The following SLCO5A1 variants were observed in gnomAD, a reference collection of about 807,000 sequenced individuals.
SLCO5A1 encodes organic anion transporter polypeptide-related protein 4.
In SLCO5A1, 39 loss-of-function variants were observed where a neutral mutation model predicts 65.1. The observed-to-expected ratio is 0.60, with a 90% confidence interval of 0.46 to 0.78. SLCO5A1 has a LOEUF of 0.78. Ranked by LOEUF, SLCO5A1 falls within the 30% of genes least tolerant of loss-of-function variation. The pLI, the probability that SLCO5A1 is intolerant of heterozygous loss-of-function variation, is 0.00. For synonymous variants in SLCO5A1, 438 were observed against 415.7 expected, an observed-to-expected ratio of 1.05 and a Z score of -0.65; for missense variants, 1,029 against 1,069.4, an observed-to-expected ratio of 0.96 and a Z score of 0.53.
chr8:69,784,918 GAAAGAAAGA>G lies in SLCO5A1; in HGVS notation c.908-23052_908-23044del, dbSNP rs1563723094. ...AGGAAGAAAGAAAGAAAGAAAGAAA[GAAAGAAAGA>G]AAGAAAGAAAGAAAGAAAGAAAGAA... On this transcript the variant is annotated intron_variant, in intron 2 of 9. Transcript: ENST00000260126. Among the ~76,000 whole-genome samples, 214 of 116,244 alleles carry G rather than the reference GAAAGAAAGA, an allele frequency of 1.8e-3. 1 individual carries two copies. The highest frequency in any genetic ancestry group is 7.6e-3 in the African/African-American group (201 of 26,478). The allele number at this position is 116,244 out of a possible 152,430, so 76.3% of individuals were successfully genotyped here.
intron 4 of SLCO5A1, among the ~76,000 whole-genome samples, chr8:69,744,119 T>C (rs948735278): frequency 2.6e-5 from 4 of 152,128 alleles, no homozygotes; most frequent in Admixed American, 6.5e-5. Flanking sequence ...CTTTACAACC[T>C]GAAAGGATCT....
intron 2 of SLCO5A1, among the ~76,000 whole-genome samples, chr8:69,770,934 A>G (rs1818293125): frequency 6.6e-6 from 1 of 152,166 alleles, no homozygotes; most frequent in Non-Finnish European, 1.5e-5. Flanking sequence ...TTTCTCCTGC[A>G]GATTTAACCT....
rs959438179 is a variant in SLCO5A1, at chr8:69,832,994, T to TCCGCCG, written c.-327_-322dup. On this transcript the variant is annotated 5_prime_UTR_variant, in exon 2 of 10. Transcript: ENST00000260126. This position sits in a 1 kb window ranked among gnomAD's most constrained non-coding sequence, Gnocchi z 4.5. The stretch of plus-strand genomic sequence containing the variant: ...CCTCGCGCGTCCCGGGCTCATCCCC[T>TCCGCCG]CCGCCGCCGCCGCCGCCGCCGCCGC... The TCCGCCG allele has an allele frequency of 2.0e-4, 68 of 339,176 alleles. No individual in the cohort carries two copies. The highest frequency in any genetic ancestry group is 1.0e-3 in the African/African-American group (46 of 45,524). The allele number at this position is 339,176 out of a possible 1,614,324, so 21.0% of individuals were successfully genotyped here. A position where few individuals can be genotyped will look rare whatever the true frequency, so the allele number is the denominator to read the frequency against.
At chr8:69,771,653 A>G (rs1229025506) in intron 2 of SLCO5A1, among the ~76,000 whole-genome samples, 2 of 152,190 alleles carry the variant, frequency 1.3e-5, no homozygotes, top group African/African-American at 4.8e-5. Context: ...AGCTGGGCGC[A>G]GCATCACACC....
At chr8:69,695,932 G>T (rs1053576994) in intron 6 of SLCO5A1, among the ~76,000 whole-genome samples, 2 of 152,088 alleles carry the variant, frequency 1.3e-5, no homozygotes, top group Non-Finnish European at 2.9e-5. Context: ...TTGAAGAAAT[G>T]GGTTTAAAAA....
In SLCO5A1 at chr8:69,668,213, G is replaced by A. The variant is rs1475271594; in HGVS notation, c.*4656C>T. 9.9e-5 allele frequency: 15 copies of A among 151,954 alleles called. No individual in the cohort carries two copies. The East Asian group carries it at 2.9e-3, about 29-fold the overall frequency. 9.4% of individuals were successfully genotyped at this position (151,954 alleles called of 1,614,324 possible). ...TGATTCTAATGCAACAAGAAGTTTGGGACAGATACAGCCAGCAGCATCCCA... is the reference window on the plus strand; with the variant it reads ...TGATTCTAATGCAACAAGAAGTTTGAGACAGATACAGCCAGCAGCATCCCA... On this transcript the variant is annotated 3_prime_UTR_variant, in exon 10 of 10. Transcript: ENST00000260126.
At chr8:69,819,029 G>T (rs749956749) in intron 2 of SLCO5A1, among the ~76,000 whole-genome samples, 1 of 151,904 alleles carries the variant, frequency 6.6e-6, no homozygotes, top group Admixed American at 6.5e-5. Flanking sequence ...GATTTTTTGT[G>T]GTTTACAGAG....
At chr8:69,712,548 A>C (rs1815317052) in intron 5 of SLCO5A1, among the ~76,000 whole-genome samples, 1 of 152,182 alleles carries the variant, frequency 6.6e-6, no homozygotes, top group Admixed American at 6.5e-5. Flanking sequence ...TAGGCAACCC[A>C]TTCATTATCA....
chr8:69,736,470 G>A (rs1329019882), intron 5 of SLCO5A1, among the ~76,000 whole-genome samples: 1 of 152,214 alleles, frequency 6.6e-6, no homozygotes, highest in Non-Finnish European at 1.5e-5. Flanking sequence ...TGCATCTGTA[G>A]AGAAGTGGGA....
chr8:69,729,400 T>G (rs1400096146), intron 5 of SLCO5A1, among the ~76,000 whole-genome samples: 1 of 128,252 alleles, frequency 7.8e-6, no homozygotes, highest in African/African-American at 3.0e-5. Flanking sequence ...GCCGAGATCG[T>G]GCCACTGCAG....
chr8:69,767,380 A>G (rs1235161775), intron 2 of SLCO5A1, among the ~76,000 whole-genome samples: 2 of 152,230 alleles, frequency 1.3e-5, no homozygotes, highest in Non-Finnish European at 2.9e-5. Context: ...AGTACTACAT[A>G]GTGGATAAAG....
At position 69,673,137 on chromosome 8, in the gene SLCO5A1, A is replaced by G; in HGVS notation, c.2279T>C (p.Ile760Thr). The G allele has an allele frequency of 6.2e-7, 1 of 1,614,202 alleles. No individual in the cohort carries two copies. The highest frequency in any genetic ancestry group is 8.5e-7 in the Non-Finnish European group (1 of 1,180,042). ...CTGCAGTCCATCCTCCTTGTATTTT[A>G]TGGAGTACCAGGCCAGAAAAATAAA... The part of the protein sequence containing the change: ...FIFIFLAWYS[I>T]KYKEDGLQRR... Residue 760 changes from isoleucine (I) to threonine (T), a missense_variant, in exon 10 of 10, where the codon ATA (isoleucine) becomes ACA (threonine). Ile to Thr is a moderately conservative substitution (Grantham distance 89, BLOSUM62 -1). Coordinates refer to ENST00000260126, the MANE Select transcript of SLCO5A1 (RefSeq NM_030958.3).
intron 2 of SLCO5A1, among the ~76,000 whole-genome samples, chr8:69,797,498 G>A (rs1338559949): frequency 6.6e-6 from 1 of 152,254 alleles, no homozygotes; most frequent in Non-Finnish European, 1.5e-5. Context: ...GGGCGGAACA[G>A]AGCCATATAT....
intron 2 of SLCO5A1, among the ~76,000 whole-genome samples, chr8:69,780,454 A>G (rs1192170258): frequency 2.0e-5 from 3 of 152,222 alleles, no homozygotes; most frequent in Non-Finnish European, 2.9e-5. Flanking sequence ...CATATACACA[A>G]TGGAAAACTA....
chr8:69,704,401 T>C (rs1814880191), intron 6 of SLCO5A1, among the ~76,000 whole-genome samples: 1 of 152,102 alleles, frequency 6.6e-6, no homozygotes, highest in African/African-American at 2.4e-5. Flanking sequence ...TAAGGGGGAG[T>C]TATGCTTCAG....
At chr8:69,749,163 C>A (rs1250733375) in intron 4 of SLCO5A1, among the ~76,000 whole-genome samples, 1 of 152,154 alleles carries the variant, frequency 6.6e-6, no homozygotes, top group African/African-American at 2.4e-5. Context: ...AGCAAAGGAG[C>A]ATATGCAATG....
chr8:69,832,837 C>T lies in SLCO5A1; in HGVS notation c.-164G>A, dbSNP rs945218505. On this transcript the variant is annotated 5_prime_UTR_variant, in exon 2 of 10. Coordinates refer to ENST00000260126, the MANE Select transcript of SLCO5A1 (RefSeq NM_030958.3). This position sits in a 1 kb window ranked among gnomAD's most constrained non-coding sequence, Gnocchi z 4.5. ...CAGGGCATCCTCACCAGCTGCGAGG[C>T]GCCCAGTGCATCCTGATCACAGACA... The T allele has an allele frequency of 1.3e-6, 1 of 743,128 alleles. No homozygotes were observed. Among genetic ancestry groups the T allele is most frequent in the Non-Finnish European group, 2.1e-6 (1 of 468,632 alleles). 46.0% of individuals were successfully genotyped at this position (743,128 alleles called of 1,614,324 possible).
At chr8:69,766,509 TTGTGTG>T (rs369338918) in intron 2 of SLCO5A1, among the ~76,000 whole-genome samples, 2 of 151,418 alleles carry the variant, frequency 1.3e-5, no homozygotes, top group African/African-American at 4.9e-5. Context: ...ATGTGTGTGT[TTGTGTG>T]TGTGTGTGTA....
intron 6 of SLCO5A1, among the ~76,000 whole-genome samples, chr8:69,702,560 G>A (rs879823730): frequency 6.6e-6 from 1 of 151,858 alleles, no homozygotes; most frequent in Non-Finnish European, 1.5e-5. Context: ...TAACTCCCAG[G>A]ACAAAAGATG....
Sources: allele counts gnomAD v4.1 joint callset (sites outside exome capture counted in the v4.1 genomes callset), GRCh38; gene constraint gnomAD v4.1.1; non-coding constraint Gnocchi (gnomAD v3.1); transcripts MANE v1.5; gene names NCBI Gene and HGNC (gene_info 2026-07-23, HGNC 2026-07-21).